Variants in CTNND2 observed in about 807,000 individuals in gnomAD.
CTNND2 encodes catenin delta-2.
A neutral mutation model predicts 144.4 loss-of-function variants in CTNND2; 22 were observed. The observed-to-expected ratio is 0.15, with a 90% CI of 0.11 to 0.22. CTNND2 has a LOEUF of 0.22. Ranked by LOEUF, CTNND2 falls within the 10% of genes least tolerant of loss-of-function variation. The pLI, the probability that CTNND2 is intolerant of heterozygous loss-of-function variation, is 1.00. For missense variants in CTNND2, 1,353 were observed against 1,618.8 expected (o/e 0.84, Z 2.82); for synonymous variants, 751 against 695.6 (o/e 1.08, Z -1.25).
At chr5:11,148,959 C>T (rs936084771) in intron 12 of CTNND2, among the ~76,000 whole-genome samples, 2 of 152,170 alleles carry the variant, frequency 1.3e-5, no homozygotes, top group African/African-American at 4.8e-5. Flanking sequence ...GGACAAATGA[C>T]ATTTAATCAT....
intron 20 of CTNND2, among the ~76,000 whole-genome samples, chr5:10,986,243 A>G (rs908861842): frequency 1.3e-5 from 2 of 152,210 alleles, no homozygotes; most frequent in African/African-American, 4.8e-5. Context: ...GTTTTATTTT[A>G]TTTTGAGTCC....
intron 3 of CTNND2, among the ~76,000 whole-genome samples, chr5:11,462,271 T>C (rs968197130): frequency 5.3e-5 from 8 of 152,338 alleles, no homozygotes; most frequent in East Asian, 1.9e-4. Flanking sequence ...CTTTATTCTT[T>C]GATTTCGATG....
intron 3 of CTNND2, among the ~76,000 whole-genome samples, chr5:11,563,539 T>A (rs1776837502): frequency 1.3e-5 from 2 of 152,238 alleles, no homozygotes. Context: ...TCATTATCCA[T>A]CCTGCTTTGG....
rs183181124 is a variant in CTNND2 at position 11,070,867 on chromosome 5, G to A, written c.2788+11829C>T. 5.9e-4 allele frequency among the ~76,000 whole-genome samples: 90 copies of A among 152,128 alleles called. No homozygotes were observed. The East Asian group carries it at 0.014, about 23-fold the overall frequency. ...GGGAAATTATATCAGATTTATACAA[G>A]TTTATTGCAGGAAGAAATGAAGAGG... On this transcript the variant is annotated intron_variant, in intron 16 of 21. Coordinates refer to ENST00000304623, the MANE Select transcript of CTNND2 (RefSeq NM_001332.4).
chr5:11,405,110 T>C (rs959549529), intron 5 of CTNND2, among the ~76,000 whole-genome samples: 5 of 152,180 alleles, frequency 3.3e-5, no homozygotes, highest in Admixed American at 6.5e-5. Flanking sequence ...AGCTTTCATC[T>C]AATCTTCATA....
intron 16 of CTNND2, among the ~76,000 whole-genome samples, chr5:11,068,713 A>C (rs1268450836): frequency 3.9e-5 from 6 of 152,198 alleles, no homozygotes; most frequent in Non-Finnish European, 8.8e-5. Context: ...CAGGAGATCG[A>C]GACCATCCTG....
chr5:11,727,333 G>A (rs534545909), intron 2 of CTNND2, among the ~76,000 whole-genome samples: 8 of 152,034 alleles, frequency 5.3e-5, no homozygotes, highest in African/African-American at 9.6e-5. Flanking sequence ...CATCCTGTAC[G>A]TATGAAACTC....
chr5:11,131,807 C>A (rs1447905594), intron 12 of CTNND2, among the ~76,000 whole-genome samples: 1 of 151,748 alleles, frequency 6.6e-6, no homozygotes, highest in African/African-American at 2.4e-5. Flanking sequence ...AAACAAAAAA[C>A]TTCCAACTTT....
chr5:11,721,277 C>T (rs1786662326), intron 2 of CTNND2, among the ~76,000 whole-genome samples: 1 of 151,990 alleles, frequency 6.6e-6, no homozygotes, highest in Non-Finnish European at 1.5e-5. Flanking sequence ...TCTGCAGAAG[C>T]AGAAAGTATA....
Position 11,903,689 on chromosome 5 carries a change from C to A in CTNND2, c.37+128G>T. The stretch of plus-strand genomic sequence containing the variant: ...CGGTCCTCCCCGAGGCAGGCAGAAA[C>A]CCCGCAGCAGCCGCCGCCGCCGCCT... On this transcript the variant is annotated intron_variant, in intron 1 of 21. Transcript: ENST00000304623. The surrounding 1 kb of genome is among the most constrained non-coding windows in gnomAD (Gnocchi z 5.4). 1 of 1,027,624 alleles carries A rather than the reference C, an allele frequency of 9.7e-7. No homozygotes were observed. The highest frequency in any genetic ancestry group is 2.0e-5 in the South Asian group (1 of 49,834). The allele number at this position is 1,027,624 out of a possible 1,614,324, so 63.7% of individuals were successfully genotyped here. A position where few individuals can be genotyped will look rare whatever the true frequency, so the allele number is the denominator to read the frequency against.
At chr5:11,527,208 A>G (rs1021202531) in intron 3 of CTNND2, among the ~76,000 whole-genome samples, 1 of 152,202 alleles carries the variant, frequency 6.6e-6, no homozygotes, top group African/African-American at 2.4e-5. Flanking sequence ...AAAAATTATT[A>G]AAATGGTAAA....
chr5:11,637,146 A>T (rs1781750357), intron 2 of CTNND2, among the ~76,000 whole-genome samples: 1 of 152,210 alleles, frequency 6.6e-6, no homozygotes, highest in Non-Finnish European at 1.5e-5. Context: ...AACCTTCAAA[A>T]AACAATCATT....
intron 10 of CTNND2, among the ~76,000 whole-genome samples, chr5:11,217,926 A>T (rs1739370738): frequency 6.6e-6 from 1 of 152,110 alleles, no homozygotes; most frequent in Non-Finnish European, 1.5e-5. Flanking sequence ...GGCTCATATT[A>T]TTATCCACTG....
intron 18 of CTNND2, among the ~76,000 whole-genome samples, chr5:11,013,916 G>A (rs1741345922): frequency 6.6e-6 from 1 of 152,130 alleles, no homozygotes; most frequent in African/African-American, 2.4e-5. Flanking sequence ...CTCACCCTAT[G>A]GGCTGGAATG....
intron 3 of CTNND2, among the ~76,000 whole-genome samples, chr5:11,506,594 G>A (rs924274181): frequency 2.0e-5 from 3 of 152,330 alleles, no homozygotes; most frequent in East Asian, 1.9e-4. Context: ...GAGACGAAGC[G>A]TGTTTATTGA....
intron 12 of CTNND2, among the ~76,000 whole-genome samples, chr5:11,134,670 TGTA>T (rs1471706452): frequency 3.3e-5 from 5 of 152,308 alleles, no homozygotes; most frequent in Middle Eastern, 3.4e-3. Flanking sequence ...CAAGACGAGA[TGTA>T]GTCATTAAGA....
At chr5:10,974,824 G>A (rs760014955) in intron 21 of CTNND2, among the ~76,000 whole-genome samples, 5 of 152,186 alleles carry the variant, frequency 3.3e-5, no homozygotes, top group East Asian at 1.9e-4. Flanking sequence ...TAATTAGCAC[G>A]TTGTGTGTAA....
intron 2 of CTNND2, among the ~76,000 whole-genome samples, chr5:11,582,474 C>G (rs550835953): frequency 6.6e-6 from 1 of 152,160 alleles, no homozygotes; most frequent in Non-Finnish European, 1.5e-5. Context: ...CTGAACTACA[C>G]CTTTTGGCAC....
intron 12 of CTNND2, among the ~76,000 whole-genome samples, chr5:11,156,785 C>T (rs1180542444): frequency 6.6e-6 from 1 of 152,170 alleles, no homozygotes. Flanking sequence ...TAGCTACACA[C>T]TCCGTAGGTC....
Sources: allele counts gnomAD v4.1 joint callset (sites outside exome capture counted in the v4.1 genomes callset), GRCh38; gene constraint gnomAD v4.1.1; non-coding constraint Gnocchi (gnomAD v3.1); transcripts MANE v1.5; gene names NCBI Gene and HGNC (gene_info 2026-07-23, HGNC 2026-07-21).